USH2A: variants seen among roughly 807,000 people sequenced by gnomAD.
USH2A encodes the protein Usher syndrome 2A (autosomal recessive, mild).
A neutral mutation model predicts 538.9 loss-of-function variants in USH2A; 443 were observed. That is an observed-to-expected ratio of 0.82 (90% confidence interval 0.76 to 0.89). The LOEUF (loss-of-function observed/expected upper bound fraction) is 0.89. Among genes scored for constraint, USH2A ranks in the 40% least tolerant of loss-of-function variants. The pLI is 0.00. For synonymous variants in USH2A, 2,413 were observed against 2,273.5 expected (o/e 1.06, Z -1.75); for missense variants, 6,633 against 6,324.8 (o/e 1.05, Z -1.65).
At chr1:215,637,022 C>G (rs1656515515) in intron 69 of USH2A, among the ~76,000 whole-genome samples, 1 of 151,984 alleles carries the variant, frequency 6.6e-6, no homozygotes, top group African/African-American at 2.4e-5. Context: ...TTTTGAAGTA[C>G]CCCTTCACCT....
At chr1:216,303,436 G>A (rs1253319493) in intron 9 of USH2A, among the ~76,000 whole-genome samples, 1 of 151,818 alleles carries the variant, frequency 6.6e-6, no homozygotes, top group Non-Finnish European at 1.5e-5. Context: ...ATACTAAGAA[G>A]TATAAGGCGT....
At chr1:215,627,958 GATA>G (rs1283223009) in intron 71 of USH2A, among the ~76,000 whole-genome samples, 1 of 152,156 alleles carries the variant, frequency 6.6e-6, no homozygotes, top group African/African-American at 2.4e-5. Context: ...CTCAGAGACT[GATA>G]ATAAATGTTA....
At chr1:215,694,036 A>G (rs1658711013) in intron 61 of USH2A, among the ~76,000 whole-genome samples, 1 of 152,178 alleles carries the variant, frequency 6.6e-6, no homozygotes, top group Non-Finnish European at 1.5e-5. Flanking sequence ...TAACTATAAA[A>G]TGTTCTCATA....
intron 21 of USH2A, among the ~76,000 whole-genome samples, chr1:216,140,995 C>A (rs80274141): frequency 6.6e-6 from 1 of 152,160 alleles, no homozygotes; most frequent in African/African-American, 2.4e-5. Context: ...TAGAATTGCT[C>A]CCTTGGGAGA....
At position 216,028,547 on chromosome 1, in the gene USH2A, G is replaced by C. The variant is rs566696383; in HGVS notation, c.6325+17884C>G. The stretch of plus-strand genomic sequence containing the variant: ...AATCTAAGTGTTTCTATTTAAGGAA[G>C]ACACTATGCTGGAAAATATATCTAA... On this transcript the variant is annotated intron_variant, in intron 32 of 71. Transcript: ENST00000307340. 2.4e-4 allele frequency among the ~76,000 whole-genome samples: 36 copies of C among 152,014 alleles called. 1 individual carries two copies. The South Asian group carries it at 7.5e-3, about 32-fold the overall frequency.
In USH2A at chr1:215,836,477, TATAATATATA is replaced by T. The variant is rs1558119784; in HGVS notation, c.9371+1504_9371+1513del. 1.4e-3 allele frequency among the ~76,000 whole-genome samples: 12 copies of T among 8,402 alleles called. 1 individual carries two copies. In the Admixed American group the frequency reaches 0.021, roughly 14 times the overall value. The allele number at this position is 8,402 out of a possible 152,430, so 5.5% of individuals were successfully genotyped here. The stretch of plus-strand genomic sequence containing the variant: ...TGTGTATATATATTATATATATATA[TATAATATATA>T]TTATATATATAATATATATTATATA... On this transcript the variant is annotated intron_variant, in intron 47 of 71. Coordinates refer to ENST00000307340, the MANE Select transcript of USH2A (RefSeq NM_206933.4).
chr1:216,061,989 G>A (rs936774354), intron 30 of USH2A, among the ~76,000 whole-genome samples: 1 of 152,116 alleles, frequency 6.6e-6, no homozygotes, highest in Admixed American at 6.6e-5. Context: ...CCAGTAAGAT[G>A]ATTTGAAAAC....
intron 13 of USH2A, among the ~76,000 whole-genome samples, chr1:216,236,541 G>C (rs1379757614): frequency 6.6e-6 from 1 of 152,134 alleles, no homozygotes; most frequent in African/African-American, 2.4e-5. Context: ...TGGATAGATA[G>C]CTGAATGGAT....
At chr1:215,824,007 C>G (rs1663087191) in intron 47 of USH2A, among the ~76,000 whole-genome samples, 1 of 152,058 alleles carries the variant, frequency 6.6e-6, no homozygotes, top group African/African-American at 2.4e-5. Context: ...GTTCACCTAT[C>G]ACCATCTTGT....
chr1:216,246,138 T>A (rs1176349041), intron 13 of USH2A, among the ~76,000 whole-genome samples: 1 of 152,214 alleles, frequency 6.6e-6, no homozygotes, highest in Non-Finnish European at 1.5e-5. Flanking sequence ...TATTTCTATA[T>A]AAAACTAGAA....
intron 21 of USH2A, among the ~76,000 whole-genome samples, chr1:216,121,218 A>T (rs1363011438): frequency 7.7e-6 from 1 of 129,974 alleles, no homozygotes; most frequent in Non-Finnish European, 1.7e-5. Flanking sequence ...CCAATGTAAG[A>T]CTAATAATAT....
At chr1:216,151,785 T>C (rs2033839987) in intron 21 of USH2A, among the ~76,000 whole-genome samples, 1 of 152,176 alleles carries the variant, frequency 6.6e-6, no homozygotes, top group Non-Finnish European at 1.5e-5. Flanking sequence ...AACTCAAGGA[T>C]AGAGCCCAAA....
intron 38 of USH2A, among the ~76,000 whole-genome samples, chr1:215,929,853 T>C (rs532963921): frequency 7.9e-5 from 12 of 152,170 alleles, no homozygotes; most frequent in African/African-American, 2.6e-4. Context: ...GCTTTTGCGA[T>C]GTGCCTAAGT....
chr1:215,983,165 G>T (rs1667790173), intron 35 of USH2A, among the ~76,000 whole-genome samples: 1 of 152,048 alleles, frequency 6.6e-6, no homozygotes, highest in Non-Finnish European at 1.5e-5. Flanking sequence ...TGGCCAGGCT[G>T]GTCTTGAACT....
At chr1:216,371,396 C>T (rs1181247527) in intron 3 of USH2A, among the ~76,000 whole-genome samples, 1 of 152,224 alleles carries the variant, frequency 6.6e-6, no homozygotes, top group African/African-American at 2.4e-5. Flanking sequence ...ACCTGTCAAA[C>T]TGGTACAGGA....
At chr1:216,034,159 G>A (rs1237251810) in intron 32 of USH2A, among the ~76,000 whole-genome samples, 4 of 152,084 alleles carry the variant, frequency 2.6e-5, no homozygotes, top group African/African-American at 9.7e-5. Flanking sequence ...GAATCCTGGG[G>A]GAAACCAACA....
At chr1:215,692,995 C>T in intron 61 of USH2A, among the ~76,000 whole-genome samples, 1 of 151,260 alleles carries the variant, frequency 6.6e-6, no homozygotes, top group East Asian at 2.0e-4. Flanking sequence ...CCTCTGTCTC[C>T]AAGACTCAAA....
rs773803465 is a variant in USH2A, at chr1:215,998,949, G to T, written c.6595C>A (p.Leu2199Ile). The change falls in exon 34 of 72, where the codon CTT (leucine) becomes ATT (isoleucine). Residue 2199 changes from leucine (L) to isoleucine (I), a missense_variant. Coordinates refer to ENST00000307340, the MANE Select transcript of USH2A (RefSeq NM_206933.4). ...IWSVIYNSTE[L>I]FQDHMLQYVL... ...TATTGTAGCATATGATCCTGGAAAA[G>T]TTCTGTACTGTTATAGATGACACTC... 1 of 1,613,258 alleles carries T rather than the reference G, an allele frequency of 6.2e-7. No homozygotes were observed. Among genetic ancestry groups the T allele is most frequent in the Middle Eastern group, 1.7e-4 (1 of 6,052 alleles).
At chr1:215,922,189 A>C (rs539068538) in intron 38 of USH2A, among the ~76,000 whole-genome samples, 13 of 152,262 alleles carry the variant, frequency 8.5e-5, no homozygotes, top group Non-Finnish European at 1.3e-4. Flanking sequence ...AGTTACAAGG[A>C]GTTTCTTATA....
Sources: gnomAD v4.1 joint callset for allele counts (sites outside exome capture counted in the v4.1 genomes callset) on GRCh38, gnomAD v4.1.1 for gene constraint, MANE v1.5 for transcripts, NCBI Gene and HGNC (gene_info 2026-07-23, HGNC 2026-07-21) for gene names.